Variants in SBF2 observed in about 807,000 individuals in gnomAD.
SBF2 encodes the protein myotubularin-related protein 13.
Under a neutral mutation model 225.2 loss-of-function variants are expected in SBF2, and 112 were observed. The ratio of observed to expected loss-of-function variants is 0.50; its 90% CI spans 0.43 to 0.58. SBF2 has a LOEUF of 0.58. Among genes scored for constraint, SBF2 ranks in the 20% least tolerant of loss-of-function variants. SBF2 has a pLI of 0.00. For synonymous variants in SBF2, 763 were observed against 773.3 expected (o/e 0.99, Z 0.22); for missense variants, 1,996 against 2,206.2 (o/e 0.90, Z 1.91).
chr11:10,139,001 A>C (rs573806335), intron 2 of SBF2, among the ~76,000 whole-genome samples: 1 of 152,214 alleles, frequency 6.6e-6, no homozygotes, highest in East Asian at 1.9e-4. Context: ...ACTCTTTAAC[A>C]AATGTGACTA....
chr11:10,233,522 A>G (rs1444532164), intron 1 of SBF2, among the ~76,000 whole-genome samples: 2 of 149,402 alleles, frequency 1.3e-5, no homozygotes, highest in African/African-American at 4.9e-5. Context: ...TTTTTTCTTA[A>G]CCTCTTGGTG....
At chr11:9,968,217 G>T in intron 14 of SBF2, 124 bp downstream of exon 14, 3 of 841,636 alleles carry the variant, frequency 3.6e-6, no homozygotes, top group Non-Finnish European at 2.0e-6. Context: ...TATTGATAAT[G>T]CTCTGATTCT....
intron 1 of SBF2, among the ~76,000 whole-genome samples, chr11:10,212,825 G>A (rs1957985181): frequency 6.6e-6 from 1 of 152,156 alleles, no homozygotes; most frequent in Non-Finnish European, 1.5e-5. Context: ...GCCGAGGCAG[G>A]CAGATCACGA....
chr11:10,270,560 A>G (rs187053307), intron 1 of SBF2, among the ~76,000 whole-genome samples: 1 of 152,336 alleles, frequency 6.6e-6, no homozygotes, highest in African/African-American at 2.4e-5. Flanking sequence ...AAAAATGTGT[A>G]TAAGTGGACC....
intron 17 of SBF2, among the ~76,000 whole-genome samples, chr11:9,880,319 A>C (rs1359889213): frequency 1.3e-5 from 2 of 152,186 alleles, no homozygotes; most frequent in Non-Finnish European, 2.9e-5. Flanking sequence ...CAACATTTTA[A>C]ACTGAAGAGG....
rs763363470 is a variant in SBF2, at chr11:10,042,931, C to T, written c.192G>A (p.Thr64=). The part of the protein sequence containing the change: ...WQLSRERKQP[T]FFVVVLTDID... ...TGTCTGTCAGGACAACCACAAAGAACGTTGGCTGCTTCCTCTCTCTGGACA... is the reference window on the plus strand; with the variant it reads ...TGTCTGTCAGGACAACCACAAAGAATGTTGGCTGCTTCCTCTCTCTGGACA... Residue 64 remains threonine, a synonymous_variant, in exon 3 of 40, where the codon ACG becomes ACA. Coordinates refer to ENST00000256190, the MANE Select transcript of SBF2 (RefSeq NM_030962.4). 8.1e-6 allele frequency: 13 copies of T among 1,613,824 alleles called. No homozygotes were observed. Among genetic ancestry groups the T allele is most frequent in the South Asian group, 2.2e-5 (2 of 91,084 alleles).
intron 2 of SBF2, among the ~76,000 whole-genome samples, chr11:10,143,775 T>C (rs1177238358): frequency 2.6e-5 from 4 of 152,148 alleles, no homozygotes; most frequent in Non-Finnish European, 4.4e-5. Context: ...CGGACTGCAG[T>C]AGCGCTATCT....
chr11:10,063,069 T>C (rs1950504718), intron 2 of SBF2, among the ~76,000 whole-genome samples: 3 of 152,146 alleles, frequency 2.0e-5, no homozygotes. Flanking sequence ...CTATCATCCT[T>C]AGCAAACTAA....
intron 2 of SBF2, among the ~76,000 whole-genome samples, chr11:10,172,884 T>A (rs544522584): frequency 6.6e-6 from 1 of 152,078 alleles, no homozygotes; most frequent in Non-Finnish European, 1.5e-5. Flanking sequence ...GCCAGGCTGG[T>A]CTTGAACTAC....
chr11:10,259,540 A>T (rs1009676152), intron 1 of SBF2, among the ~76,000 whole-genome samples: 1 of 152,206 alleles, frequency 6.6e-6, no homozygotes, highest in Non-Finnish European at 1.5e-5. Flanking sequence ...TTTTCAAAAA[A>T]TGTATTAGTA....
At chr11:10,001,814 C>T (rs942328151) in intron 7 of SBF2, among the ~76,000 whole-genome samples, 2 of 152,132 alleles carry the variant, frequency 1.3e-5, no homozygotes, top group African/African-American at 4.8e-5. Context: ...GTGTGAGCCA[C>T]TGCGCCTGGC....
intron 1 of SBF2, among the ~76,000 whole-genome samples, chr11:10,284,281 A>G (rs892742323): frequency 1.3e-5 from 2 of 152,202 alleles, no homozygotes; most frequent in African/African-American, 2.4e-5. Context: ...TTGTGGTTGT[A>G]TGTGTGTATT....
At chr11:9,835,776 A>C (rs1192687116) in intron 26 of SBF2, among the ~76,000 whole-genome samples, 1 of 152,022 alleles carries the variant, frequency 6.6e-6, no homozygotes, top group Non-Finnish European at 1.5e-5. Context: ...TATGAGATCC[A>C]TCCGTGTTAT....
At chr11:9,947,075 C>T (rs1043315315) in intron 16 of SBF2, among the ~76,000 whole-genome samples, 30 of 152,032 alleles carry the variant, frequency 2.0e-4, no homozygotes, top group Admixed American at 7.2e-4. Context: ...TTTTTGCCAG[C>T]GGTTAATGAG....
intron 8 of SBF2, among the ~76,000 whole-genome samples, chr11:10,000,244 T>C (rs2403261): frequency 0.25 from 38,345 of 152,160 alleles, 4,971 homozygotes; most frequent in Middle Eastern, 0.32. Flanking sequence ...AAATACTTAC[T>C]TTTACCTATC....
intron 2 of SBF2, among the ~76,000 whole-genome samples, chr11:10,183,950 C>T (rs976342588): frequency 3.3e-5 from 5 of 152,030 alleles, no homozygotes; most frequent in Non-Finnish European, 2.9e-5. Context: ...ATATGGTTAA[C>T]AATAATTTAG....
At chr11:10,133,803 C>A (rs1276923828) in intron 2 of SBF2, among the ~76,000 whole-genome samples, 1 of 152,126 alleles carries the variant, frequency 6.6e-6, no homozygotes, top group Non-Finnish European at 1.5e-5. Context: ...AAAGTGGGAG[C>A]CCAGGCAGGG....
chr11:10,026,258 A>G (rs996320205), intron 6 of SBF2, among the ~76,000 whole-genome samples: 5 of 152,170 alleles, frequency 3.3e-5, no homozygotes, highest in Non-Finnish European at 7.4e-5. Context: ...AAATAATTTC[A>G]TTTGTGTCAT....
chr11:10,294,247 C>G (rs1964370918), upstream of SBF2: 1 of 425,160 alleles, frequency 2.4e-6, no homozygotes, highest in African/African-American at 2.1e-5. Flanking sequence ...AGTGCCCGCT[C>G]CTCCCCCGCC....
Sources: gnomAD v4.1 joint callset for allele counts (sites outside exome capture counted in the v4.1 genomes callset) on GRCh38, gnomAD v4.1.1 for gene constraint, MANE v1.5 for transcripts, NCBI Gene and HGNC (gene_info 2026-07-23, HGNC 2026-07-21) for gene names.